The following CNTNAP5 variants were observed in gnomAD, a reference collection of about 807,000 sequenced individuals.
The protein encoded by CNTNAP5 is contactin-associated protein-like 5.
CNTNAP5 carries 72 observed loss-of-function variants against 150.2 expected under a neutral mutation model. That is an observed-to-expected ratio of 0.48 (90% CI 0.40 to 0.58). The LOEUF (loss-of-function observed/expected upper bound fraction) is 0.58, where lower values mean the gene tolerates loss of function less well. CNTNAP5 is among the 20% of genes least tolerant of loss of function. CNTNAP5 has a pLI of 0.00. For missense variants in CNTNAP5, 1,636 were observed against 1,626.2 expected (o/e 1.01, Z -0.10); for synonymous variants, 672 against 619.8 (o/e 1.08, Z -1.25).
At chr2:124,345,291 T>C (rs1689711173) in intron 3 of CNTNAP5, among the ~76,000 whole-genome samples, 1 of 152,232 alleles carries the variant, frequency 6.6e-6, no homozygotes, top group African/African-American at 2.4e-5. Flanking sequence ...TATTCATTTT[T>C]CATCACCTCT....
At chr2:124,041,858 C>CAT (rs10565274) in intron 1 of CNTNAP5, among the ~76,000 whole-genome samples, 7 of 150,668 alleles carry the variant, frequency 4.6e-5, no homozygotes, top group African/African-American at 1.7e-4. Flanking sequence ...TGTCAAATTA[C>CAT]ATATATATAT....
intron 21 of CNTNAP5, among the ~76,000 whole-genome samples, chr2:124,880,994 G>A (rs1677952432): frequency 6.6e-6 from 1 of 152,076 alleles, no homozygotes; most frequent in Admixed American, 6.6e-5. Context: ...AAAGATAGTA[G>A]GATAGAAACA....
At chr2:124,270,110 G>A (rs550765672) in intron 3 of CNTNAP5, among the ~76,000 whole-genome samples, 2 of 152,254 alleles carry the variant, frequency 1.3e-5, no homozygotes, top group South Asian at 2.1e-4. Context: ...GAGGTCAAGA[G>A]TTCCAGACCA....
At chr2:124,699,374 G>A (rs1318370467) in intron 13 of CNTNAP5, among the ~76,000 whole-genome samples, 1 of 152,114 alleles carries the variant, frequency 6.6e-6, no homozygotes, top group Non-Finnish European at 1.5e-5. Flanking sequence ...AAGCAATACT[G>A]GAAAACTCCC....
intron 3 of CNTNAP5, among the ~76,000 whole-genome samples, chr2:124,248,545 T>G (rs1687086523): frequency 6.6e-6 from 1 of 152,240 alleles, no homozygotes; most frequent in Admixed American, 6.5e-5. Context: ...AAGCAACAGC[T>G]GGTCTTCACC....
At chr2:124,121,036 A>T (rs547034737) in intron 1 of CNTNAP5, among the ~76,000 whole-genome samples, 1 of 152,122 alleles carries the variant, frequency 6.6e-6, no homozygotes, top group African/African-American at 2.4e-5. Context: ...ACAGATTTGG[A>T]TCACTCAGGA....
chr2:124,616,036 G>A (rs1677486140), intron 12 of CNTNAP5, among the ~76,000 whole-genome samples: 1 of 151,956 alleles, frequency 6.6e-6, no homozygotes, highest in South Asian at 2.1e-4. Context: ...TCCCATCCAG[G>A]CTTTATTATT....
intron 1 of CNTNAP5, among the ~76,000 whole-genome samples, chr2:124,115,673 A>G (rs1441264755): frequency 4.7e-5 from 6 of 127,206 alleles, no homozygotes; most frequent in Non-Finnish European, 4.8e-5. Context: ...TTTTGAGACG[A>G]TGTCTTACTC....
chr2:124,454,282 A>T (rs1693060960), intron 6 of CNTNAP5, among the ~76,000 whole-genome samples: 1 of 152,250 alleles, frequency 6.6e-6, no homozygotes, highest in Non-Finnish European at 1.5e-5. Context: ...ACTTTAAAGC[A>T]ACAGCAGTTA....
chr2:124,242,383 A>G lies in CNTNAP5; in HGVS notation c.371A>G (p.Asp124Gly). ...GRNWKQYKQE[D>G]SIWTFAGNMN... is the part of the protein sequence containing the mutation. Reference sequence around the variant, plus strand: ...AACTGGAAACAGTACAAACAAGAAGACAGCATCTGGGTAGGACATCTTTTT... The same window carrying G: ...AACTGGAAACAGTACAAACAAGAAGGCAGCATCTGGGTAGGACATCTTTTT... Residue 124 changes from aspartate (D) to glycine (G), a missense_variant, in exon 3 of 24, where the codon GAC becomes GGC. Transcript: ENST00000682447. 6.2e-7 allele frequency: 1 copy of G among 1,612,770 alleles called. No homozygotes were observed. Among genetic ancestry groups the G allele is most frequent in the Non-Finnish European group, 8.5e-7 (1 of 1,179,376 alleles).
intron 3 of CNTNAP5, among the ~76,000 whole-genome samples, chr2:124,335,982 A>G (rs1015052404): frequency 6.6e-6 from 1 of 152,108 alleles, no homozygotes; most frequent in Non-Finnish European, 1.5e-5. Flanking sequence ...CGTACAAAAC[A>G]CGAGACTTCA....
rs947616339 is a variant in CNTNAP5 at position 124,251,293 on chromosome 2, C to A, written c.381+8900C>A. Among the ~76,000 whole-genome samples, 8 of 78,814 alleles carry A rather than the reference C, an allele frequency of 1.0e-4. No homozygotes were observed. The Admixed American group carries it at 1.1e-3, about 11-fold the overall frequency. 51.7% of individuals were successfully genotyped at this position (78,814 alleles called of 152,430 possible). Reference sequence around the variant, plus strand: ...AGGAAAAAGAAACAGTTTTCCCCCACCCCCCCAAGTATTGGAAGTACAGAG... The same window carrying A: ...AGGAAAAAGAAACAGTTTTCCCCCAACCCCCCAAGTATTGGAAGTACAGAG... On this transcript the variant is annotated intron_variant, in intron 3 of 23. Coordinates refer to ENST00000682447, the MANE Select transcript of CNTNAP5 (RefSeq NM_001367498.1).
rs200688462 is a variant in CNTNAP5 at position 124,914,150 on chromosome 2, C to A, written c.3786C>A (p.Phe1262Leu). Reference protein sequence around the residue: ...IFCIIGIMTRFLYQHKQSHRT... With the variant: ...IFCIIGIMTRLLYQHKQSHRT... ...GTATCATCGGCATCATGACCCGGTTCCTCTACCAGCACAAGCAGTCACATC... is the reference window on the plus strand; with the variant it reads ...GTATCATCGGCATCATGACCCGGTTACTCTACCAGCACAAGCAGTCACATC... The change falls in exon 24 of 24, where the codon TTC becomes TTA. Residue 1262 changes from phenylalanine to leucine, a missense_variant. Coordinates refer to ENST00000682447, the MANE Select transcript of CNTNAP5 (RefSeq NM_001367498.1). 4 of 1,612,554 alleles carry A rather than the reference C, an allele frequency of 2.5e-6. No homozygotes were observed. In the African/African-American group the frequency reaches 4.0e-5, roughly 16 times the overall value.
rs760176092 is a variant in CNTNAP5, at chr2:124,588,147, C to CTT, written c.1757-21653_1757-21652dup. Among the ~76,000 whole-genome samples the CTT allele has an allele frequency of 2.4e-4, 27 of 111,884 alleles. No individual in the cohort carries two copies. The East Asian group carries it at 2.9e-3, about 12-fold the overall frequency. 73.4% of individuals were successfully genotyped at this position (111,884 alleles called of 152,430 possible). On this transcript the variant is annotated intron_variant, in intron 11 of 23. Coordinates refer to ENST00000682447, the MANE Select transcript of CNTNAP5 (RefSeq NM_001367498.1). The stretch of plus-strand genomic sequence containing the variant: ...TTCCTTCCTTTTCCTTCCTTCCTTC[C>CTT]TTCCTTCCTTTTCCTTCCTTCCTTC...
intron 11 of CNTNAP5, among the ~76,000 whole-genome samples, chr2:124,599,116 C>T (rs569796272): frequency 1.7e-4 from 26 of 152,298 alleles, no homozygotes; most frequent in South Asian, 4.1e-4. Context: ...GCGTCGCTCA[C>T]GCTGGGAGCT....
At chr2:124,056,502 C>T (rs550660761) in intron 1 of CNTNAP5, among the ~76,000 whole-genome samples, 95 of 152,108 alleles carry the variant, frequency 6.2e-4, no homozygotes, top group African/African-American at 2.2e-3. Context: ...AAAAATTAGC[C>T]GGCTGTGGTG....
intron 11 of CNTNAP5, among the ~76,000 whole-genome samples, chr2:124,584,481 T>A (rs987248541): frequency 1.3e-5 from 2 of 152,222 alleles, no homozygotes; most frequent in Non-Finnish European, 2.9e-5. Context: ...AAATATCCTC[T>A]AAGTGTAGCT....
At chr2:124,664,907 G>C (rs1016569280) in intron 13 of CNTNAP5, among the ~76,000 whole-genome samples, 1 of 152,114 alleles carries the variant, frequency 6.6e-6, no homozygotes, top group African/African-American at 2.4e-5. Flanking sequence ...GGCTGGTCTC[G>C]ATCTCCTGAC....
intron 1 of CNTNAP5, among the ~76,000 whole-genome samples, chr2:124,148,543 A>G (rs865777025): frequency 5.5e-5 from 8 of 146,610 alleles, no homozygotes; most frequent in South Asian, 2.1e-4. Flanking sequence ...ATATATACAT[A>G]TTATATATAA....
Sources: allele counts gnomAD v4.1 joint callset (sites outside exome capture counted in the v4.1 genomes callset), GRCh38; gene constraint gnomAD v4.1.1; transcripts MANE v1.5; gene names NCBI Gene and HGNC (gene_info 2026-07-23, HGNC 2026-07-21).